Variants in ANKAR observed in about 807,000 individuals in gnomAD.
The protein encoded by ANKAR is ankyrin and armadillo repeat-containing protein.
ANKAR carries 136 observed loss-of-function variants against 146.2 expected under a neutral mutation model. The observed-to-expected ratio is 0.93, with a 90% CI of 0.81 to 1.07. The LOEUF (loss-of-function observed/expected upper bound fraction) is 1.07. ANKAR is among the 50% of genes least tolerant of loss of function. The pLI, the probability that ANKAR is intolerant of heterozygous loss-of-function variation, is 0.00. For synonymous variants in ANKAR, 500 were observed against 575.8 expected, an observed-to-expected ratio of 0.87 and a Z score of 1.88; for missense variants, 1,567 against 1,679.9, an observed-to-expected ratio of 0.93 and a Z score of 1.18.
intron 10 of ANKAR, among the ~76,000 whole-genome samples, chr2:189,717,378 A>C (rs868267772): frequency 6.6e-5 from 10 of 152,246 alleles, no homozygotes; most frequent in Middle Eastern, 3.4e-3. Context: ...AAATCAAAAC[A>C]ACAATGATAT....
intron 16 of ANKAR, among the ~76,000 whole-genome samples, chr2:189,731,418 G>T (rs2042389601): frequency 7.2e-6 from 1 of 139,222 alleles, no homozygotes. Context: ...CTGTTGCCCA[G>T]GCTGGAGTGC....
chr2:189,701,090 G>A (rs2037989945), intron 7 of ANKAR, among the ~76,000 whole-genome samples: 1 of 151,998 alleles, frequency 6.6e-6, no homozygotes, highest in Non-Finnish European at 1.5e-5. Flanking sequence ...TATTTGGCTT[G>A]GTGTTCTCTG....
chr2:189,745,281 C>T (rs1343283287), intron 22 of ANKAR, among the ~76,000 whole-genome samples: 1 of 152,124 alleles, frequency 6.6e-6, no homozygotes, highest in Non-Finnish European at 1.5e-5. Flanking sequence ...TTCCTAATTA[C>T]AAGCCCATAT....
rs2033730570 is a variant in ANKAR at position 189,676,679 on chromosome 2, T to G, written c.189T>G (p.Ser63=). ...SWLSAKEDVR[S]QVDLPCGIMS... ...TGTCTGCCAAAGAGGATGTGCGCTCTCAAGTAGACCTCCCATGTGGAATTA... is the reference window on the plus strand; with the variant it reads ...TGTCTGCCAAAGAGGATGTGCGCTCGCAAGTAGACCTCCCATGTGGAATTA... Residue 63 remains serine (S), a synonymous_variant, in exon 2 of 23, where the codon TCT becomes TCG. Transcript: ENST00000684021. The G allele has an allele frequency of 2.5e-6, 4 of 1,614,208 alleles. No homozygotes were observed. Among genetic ancestry groups the G allele is most frequent in the Non-Finnish European group, 3.4e-6 (4 of 1,180,038 alleles).
intron 3 of ANKAR, 109 bp downstream of exon 3, chr2:189,690,073 C>T: frequency 3.0e-6 from 2 of 677,618 alleles, no homozygotes; most frequent in Non-Finnish European, 4.3e-6. Flanking sequence ...CTAGCTATAA[C>T]CTGTTAGAGA....
chr2:189,741,254 C>T (rs1174468615), intron 19 of ANKAR, 88 bp from the exon 20 acceptor site: 2 of 939,716 alleles, frequency 2.1e-6, no homozygotes, highest in African/African-American at 1.7e-5. Flanking sequence ...GTGACACAAA[C>T]TTTTTTCAGT....
chr2:189,762,999 C>T, downstream of ANKAR: 4 of 985,326 alleles, frequency 4.1e-6, no homozygotes, highest in Non-Finnish European at 4.8e-6. Flanking sequence ...ACAGGTTTGT[C>T]TGACTACACA....
intron 3 of ANKAR, among the ~76,000 whole-genome samples, chr2:189,691,087 G>A (rs998860851): frequency 6.6e-6 from 1 of 152,132 alleles, no homozygotes; most frequent in African/African-American, 2.4e-5. Context: ...GCAGAGTCTT[G>A]CTCTGTCACA....
chr2:189,761,388 A>C, downstream of ANKAR: 1 of 1,560,890 alleles, frequency 6.4e-7, no homozygotes, highest in Non-Finnish European at 8.6e-7. Flanking sequence ...TTTTCCAAAA[A>C]AGTGGAAATG....
chr2:189,678,911 C>T (rs2034201445), intron 2 of ANKAR, among the ~76,000 whole-genome samples: 1 of 152,102 alleles, frequency 6.6e-6, no homozygotes, highest in African/African-American at 2.4e-5. Context: ...TATGTGGGCT[C>T]ATTTTGGTTC....
At chr2:189,714,942 T>A (rs1574565261) in intron 10 of ANKAR, among the ~76,000 whole-genome samples, 1 of 85,430 alleles carries the variant, frequency 1.2e-5, no homozygotes, top group Non-Finnish European at 2.0e-5. Context: ...TGAGACTCCA[T>A]CTCACAAAAA....
At chr2:189,686,816 ACT>A (rs2035668378) in intron 2 of ANKAR, among the ~76,000 whole-genome samples, 1 of 120,574 alleles carries the variant, frequency 8.3e-6, no homozygotes, top group Non-Finnish European at 1.7e-5. Flanking sequence ...TGGAAACGAG[ACT>A]CTTTCTTTTT....
At chr2:189,716,915 C>T (rs2040541279) in intron 10 of ANKAR, among the ~76,000 whole-genome samples, 1 of 152,010 alleles carries the variant, frequency 6.6e-6, no homozygotes, top group African/African-American at 2.4e-5. Flanking sequence ...GGATCCCTTC[C>T]TTATACCTTA....
At chr2:189,701,588 G>A (rs566085467) in intron 7 of ANKAR, among the ~76,000 whole-genome samples, 56 of 152,226 alleles carry the variant, frequency 3.7e-4, no homozygotes, top group African/African-American at 1.3e-3. Flanking sequence ...CCTCTGCTGC[G>A]TCTAATCTCT....
chr2:189,732,524 G>T (rs2042503713), intron 16 of ANKAR, among the ~76,000 whole-genome samples: 1 of 151,924 alleles, frequency 6.6e-6, no homozygotes. Context: ...AGCTGGGCGT[G>T]GTAGTGCGCA....
chr2:189,689,170 A>G (rs1405398105), intron 2 of ANKAR, among the ~76,000 whole-genome samples: 1 of 152,160 alleles, frequency 6.6e-6, no homozygotes, highest in Non-Finnish European at 1.5e-5. Context: ...TCTTATTGCC[A>G]CAAAGAGTCT....
At chr2:189,733,536 T>C (rs996595120) in intron 17 of ANKAR, among the ~76,000 whole-genome samples, 1 of 152,172 alleles carries the variant, frequency 6.6e-6, no homozygotes, top group African/African-American at 2.4e-5. Context: ...CCTCAGTCAT[T>C]CACTTATCCA....
chr2:189,700,241 T>C (rs1211643125), intron 7 of ANKAR, among the ~76,000 whole-genome samples: 4 of 152,182 alleles, frequency 2.6e-5, no homozygotes, highest in South Asian at 2.1e-4. Context: ...GGTTACAGAA[T>C]TCTAGATTAG....
chr2:189,677,281 T>A (rs2033870809), intron 2 of ANKAR, among the ~76,000 whole-genome samples, 190 bp downstream of exon 2: 1 of 152,204 alleles, frequency 6.6e-6, no homozygotes, highest in African/African-American at 2.4e-5. Context: ...CAATGCCATT[T>A]TTAAAATTTT....
Sources: gnomAD v4.1 joint callset for allele counts (sites outside exome capture counted in the v4.1 genomes callset) on GRCh38, gnomAD v4.1.1 for gene constraint, MANE v1.5 for transcripts, NCBI Gene and HGNC (gene_info 2026-07-23, HGNC 2026-07-21) for gene names.